The following PALS1 variants were observed in gnomAD, a reference collection of about 807,000 sequenced individuals.
The protein encoded by PALS1 is protein associated with LIN7 1, MAGUK p55 family member.
Under a neutral mutation model 78.9 loss-of-function variants are expected in PALS1, and 31 were observed. That is an observed-to-expected ratio of 0.39 (90% CI 0.30 to 0.53). The LOEUF (loss-of-function observed/expected upper bound fraction) is 0.53, where lower values mean the gene tolerates loss of function less well. PALS1 is among the 20% of genes least tolerant of loss of function. The pLI is 0.67. For synonymous variants in PALS1, 276 were observed against 270.9 expected, an observed-to-expected ratio of 1.02 and a Z score of -0.18; for missense variants, 704 against 826.5, an observed-to-expected ratio of 0.85 and a Z score of 1.82.
chr14:67,328,961 G>C (rs1030053497), intron 14 of PALS1, among the ~76,000 whole-genome samples: 20 of 152,200 alleles, frequency 1.3e-4, no homozygotes, highest in African/African-American at 4.3e-4. Flanking sequence ...GGCAATGCAG[G>C]CTCTTTTTTG....
intron 3 of PALS1, among the ~76,000 whole-genome samples, chr14:67,289,148 T>G (rs1313697165): frequency 6.6e-6 from 1 of 151,146 alleles, no homozygotes; most frequent in Non-Finnish European, 1.5e-5. Context: ...TGCATTTTTT[T>G]GTAGACCTGG....
intron 3 of PALS1, among the ~76,000 whole-genome samples, chr14:67,291,346 G>A (rs73282711): frequency 0.15 from 23,467 of 151,532 alleles, 3,431 homozygotes; most frequent in East Asian, 0.43. Flanking sequence ...CTCCTGTCTC[G>A]CCTCCCGAGT....
intron 2 of PALS1, among the ~76,000 whole-genome samples, chr14:67,272,816 G>A (rs117019475): frequency 0.012 from 1,835 of 152,138 alleles, 19 homozygotes; most frequent in Non-Finnish European, 0.018. Flanking sequence ...AAGCCACCAT[G>A]GCTGGATAAT....
At chr14:67,286,389 T>C (rs2084688016) in intron 3 of PALS1, among the ~76,000 whole-genome samples, 1 of 152,250 alleles carries the variant, frequency 6.6e-6, no homozygotes, top group Non-Finnish European at 1.5e-5. Flanking sequence ...CTCTGTGTCT[T>C]CATCTTTTAT....
At chr14:67,253,170 C>T (rs887807092) in intron 1 of PALS1, among the ~76,000 whole-genome samples, 3 of 152,204 alleles carry the variant, frequency 2.0e-5, no homozygotes, top group Non-Finnish European at 2.9e-5. Flanking sequence ...GATTCCTTAT[C>T]TGCAGAATGG....
chr14:67,257,081 G>T (rs114525907), intron 1 of PALS1, among the ~76,000 whole-genome samples: 6,606 of 152,132 alleles, frequency 0.043, 337 homozygotes, highest in African/African-American at 0.12. Context: ...CCGGTAAGAC[G>T]GAACAACTTG....
At chr14:67,325,130 C>T (rs1199787807) in intron 14 of PALS1, among the ~76,000 whole-genome samples, 1 of 152,018 alleles carries the variant, frequency 6.6e-6, no homozygotes. Flanking sequence ...TGGTCTTGAT[C>T]TCCTGACCTT....
intron 12 of PALS1, 77 bp from the exon 13 acceptor site, chr14:67,320,980 C>A (rs2085254472): frequency 2.5e-6 from 3 of 1,206,538 alleles, no homozygotes; most frequent in Non-Finnish European, 3.7e-6. Flanking sequence ...AATAGAAATT[C>A]TTTCTGACTA....
chr14:67,293,784 G>A (rs892027004), intron 4 of PALS1, among the ~76,000 whole-genome samples: 1 of 152,152 alleles, frequency 6.6e-6, no homozygotes, highest in African/African-American at 2.4e-5. Context: ...CGGTTGGGAA[G>A]AATACAAAAT....
chr14:67,333,258 T>TTC lies in PALS1; in HGVS notation c.*304_*305dup, dbSNP rs2085478063. ...AACCTTTTGTTTTCACCTAAACCCTTTCTGCTTAGTTGTATCTCTGTGAAA... is the reference window on the plus strand; with the variant it reads ...AACCTTTTGTTTTCACCTAAACCCTTTCTCTGCTTAGTTGTATCTCTGTGAAA... On this transcript the variant is annotated 3_prime_UTR_variant, in exon 15 of 15. Coordinates refer to ENST00000261681, the MANE Select transcript of PALS1 (RefSeq NM_022474.4). 4.6e-6 allele frequency: 1 copy of TTC among 216,134 alleles called. No individual in the cohort carries two copies. Among genetic ancestry groups the TTC allele is most frequent in the Non-Finnish European group, 9.2e-6 (1 of 108,450 alleles). 13.4% of individuals were successfully genotyped at this position (216,134 alleles called of 1,614,324 possible). A position where few individuals can be genotyped will look rare whatever the true frequency, so the allele number is the denominator to read the frequency against.
chr14:67,275,742 A>C (rs2084492762), intron 2 of PALS1, among the ~76,000 whole-genome samples: 2 of 152,084 alleles, frequency 1.3e-5, no homozygotes, highest in South Asian at 4.1e-4. Context: ...CTGCGAATCC[A>C]TTTGGTCCTG....
intron 9 of PALS1, among the ~76,000 whole-genome samples, chr14:67,315,602 T>G (rs577853023): frequency 5.9e-5 from 9 of 152,188 alleles, no homozygotes; most frequent in Non-Finnish European, 1.0e-4. Context: ...CTCTTAAAAT[T>G]TTCCTTCTAG....
chr14:67,284,330 G>T (rs1380624557), intron 3 of PALS1, among the ~76,000 whole-genome samples: 2 of 150,860 alleles, frequency 1.3e-5, no homozygotes, highest in East Asian at 3.9e-4. Flanking sequence ...AGGCGTGGTG[G>T]TTCACGCCCG....
At chr14:67,329,733 T>A (rs2085415583) in intron 14 of PALS1, among the ~76,000 whole-genome samples, 1 of 151,924 alleles carries the variant, frequency 6.6e-6, no homozygotes, top group Non-Finnish European at 1.5e-5. Context: ...ACAAAAAACA[T>A]TAGCCAGGCA....
Position 67,279,266 on chromosome 14 carries a change from C to T in PALS1, c.96C>T (p.His32=), listed in dbSNP as rs1252852318. ...DLASPEEHQK[H]REMAVDCPGD... is the part of the protein sequence containing the mutation. Reference sequence around the variant, plus strand: ...CATCACCAGAGGAACATCAGAAGCACCGAGAGATGGCTGTTGACTGCCCTG... The same window carrying T: ...CATCACCAGAGGAACATCAGAAGCATCGAGAGATGGCTGTTGACTGCCCTG... The change falls in exon 3 of 15, where the codon CAC becomes CAT. Residue 32 remains histidine, a synonymous_variant. Coordinates refer to ENST00000261681, the MANE Select transcript of PALS1 (RefSeq NM_022474.4). 2.5e-6 allele frequency: 4 copies of T among 1,613,856 alleles called. No homozygotes were observed. The highest frequency in any genetic ancestry group is 3.4e-6 in the Non-Finnish European group (4 of 1,179,954).
intron 13 of PALS1, among the ~76,000 whole-genome samples, chr14:67,323,246 T>TGG (rs2085292681): frequency 7.1e-6 from 1 of 141,754 alleles, no homozygotes; most frequent in African/African-American, 2.9e-5. Context: ...TGTGTGTGTG[T>TGG]GTGTGTGTGT....
chr14:67,249,916 G>A (rs949125616), intron 1 of PALS1, among the ~76,000 whole-genome samples: 1 of 152,154 alleles, frequency 6.6e-6, no homozygotes, highest in African/African-American at 2.4e-5. Context: ...GCTCTGCTAG[G>A]ACTTGGTTGT....
At chr14:67,261,505 A>G (rs2084236580) in intron 1 of PALS1, among the ~76,000 whole-genome samples, 1 of 152,196 alleles carries the variant, frequency 6.6e-6, no homozygotes, top group South Asian at 2.1e-4. Flanking sequence ...TAATTTGTAT[A>G]ACAGGAGTCT....
chr14:67,278,798 A>G (rs2084552206), intron 2 of PALS1, among the ~76,000 whole-genome samples: 1 of 152,186 alleles, frequency 6.6e-6, no homozygotes, highest in South Asian at 2.1e-4. Flanking sequence ...TTAAAATTGA[A>G]TAGTATGTTT....
Sources: allele counts gnomAD v4.1 joint callset (sites outside exome capture counted in the v4.1 genomes callset), GRCh38; gene constraint gnomAD v4.1.1; transcripts MANE v1.5; gene names NCBI Gene and HGNC (gene_info 2026-07-23, HGNC 2026-07-21).